GAP43: variants seen among roughly 807,000 people sequenced by gnomAD.
GAP43 encodes the protein neuromodulin.
Under a neutral mutation model 18.6 loss-of-function variants are expected in GAP43, and 6 were observed. That is an observed-to-expected ratio of 0.32 (90% CI 0.18 to 0.64). The LOEUF is 0.64. GAP43 is among the 30% of genes least tolerant of loss of function. The pLI is 0.78. For missense variants in GAP43, 292 were observed against 295.5 expected (o/e 0.99, Z 0.09); for synonymous variants, 115 against 111.4 (o/e 1.03, Z -0.20).
At chr3:115,692,733 A>C (rs1286605525) in intron 2 of GAP43, among the ~76,000 whole-genome samples, 3 of 152,144 alleles carry the variant, frequency 2.0e-5, no homozygotes, top group Non-Finnish European at 4.4e-5. Flanking sequence ...AGGGTGGTTA[A>C]AGTTTTTACT....
At chr3:115,708,028 C>T (rs577721001) in intron 2 of GAP43, among the ~76,000 whole-genome samples, 1 of 152,090 alleles carries the variant, frequency 6.6e-6, no homozygotes, top group South Asian at 2.1e-4. Context: ...TATATATACA[C>T]ACACACACAT....
chr3:115,663,463 C>T, intron 1 of GAP43: 1 of 1,039,702 alleles, frequency 9.6e-7, no homozygotes. Context: ...CCCTCTCCCT[C>T]CCTCTTCTCC....
chr3:115,667,310 G>A (rs141432560), intron 1 of GAP43, among the ~76,000 whole-genome samples: 1 of 152,232 alleles, frequency 6.6e-6, no homozygotes, highest in African/African-American at 2.4e-5. Flanking sequence ...ACAGAGAAGT[G>A]GACCAAGAGT....
Position 115,688,006 on chromosome 3 carries a change from A to ATTATTTATTTAT in GAP43, c.628+11409_628+11420dup, listed in dbSNP as rs59423282. Among the ~76,000 whole-genome samples, 64 of 149,906 alleles carry ATTATTTATTTAT rather than the reference A, an allele frequency of 4.3e-4. 1 individual carries two copies. The highest frequency in any genetic ancestry group is 1.4e-3 in the African/African-American group (57 of 40,668). ...CCAGGGTTACTAACGAAATTTTTTT[A>ATTATTTATTTAT]TTATTTATTTATTTATTTATTTATG... On this transcript the variant is annotated intron_variant, in intron 2 of 2. Coordinates refer to ENST00000305124, the MANE Select transcript of GAP43 (RefSeq NM_002045.4).
chr3:115,642,257 T>A (rs1287983006), intron 1 of GAP43, among the ~76,000 whole-genome samples: 2 of 152,102 alleles, frequency 1.3e-5, no homozygotes, highest in Non-Finnish European at 2.9e-5. Context: ...CTCTTACTCA[T>A]CTTATTTTTC....
chr3:115,714,759 A>C (rs1709482478), intron 2 of GAP43, among the ~76,000 whole-genome samples: 1 of 148,656 alleles, frequency 6.7e-6, no homozygotes, highest in Non-Finnish European at 1.5e-5. Flanking sequence ...GATTTGGGGG[A>C]TTGATTTTGC....
intron 1 of GAP43, among the ~76,000 whole-genome samples, chr3:115,670,626 G>A (rs1708805120): frequency 6.6e-6 from 1 of 152,078 alleles, no homozygotes; most frequent in South Asian, 2.1e-4. Flanking sequence ...CAATTGCCAT[G>A]GTATCAATGA....
chr3:115,687,115 C>CTT (rs34355376), intron 2 of GAP43, among the ~76,000 whole-genome samples: 4,233 of 140,114 alleles, frequency 0.03, 138 homozygotes, highest in African/African-American at 0.081. Context: ...AATCCCCCCT[C>CTT]TTTTTTTTTT....
At position 115,696,590 on chromosome 3, in the gene GAP43, C is replaced by CCCA. The variant is rs1228543478; in HGVS notation, c.628+19980_628+19981insCCA. 7.2e-4 allele frequency among the ~76,000 whole-genome samples: 93 copies of CCCA among 129,148 alleles called. 1 individual carries two copies. The highest frequency in any genetic ancestry group is 2.6e-3 in the African/African-American group (86 of 33,454). The allele number at this position is 129,148 out of a possible 152,430, so 84.7% of individuals were successfully genotyped here. A position where few individuals can be genotyped will look rare whatever the true frequency, so the allele number is the denominator to read the frequency against. ...GCTGCCCCCCACCGCCCCCCCCCCC[C>CCCA]ACAAACAGGTATGCTCATATGCAGG... On this transcript the variant is annotated intron_variant, in intron 2 of 2. Transcript: ENST00000305124.
rs189715876 is a variant in GAP43 at position 115,641,622 on chromosome 3, A to G, written c.30+17903A>G. On this transcript the variant is annotated intron_variant, in intron 1 of 2. Transcript: ENST00000305124. ...TCTGTTTTCAATTTCACAAGGCACT[A>G]TGCAATGCTTGCACATACTGGGTCC... Among the ~76,000 whole-genome samples, 3 of 151,908 alleles carry G rather than the reference A, an allele frequency of 2.0e-5. No homozygotes were observed. In the East Asian group the frequency reaches 5.8e-4, roughly 30 times the overall value.
At chr3:115,657,121 A>G (rs1472839315) in intron 1 of GAP43, among the ~76,000 whole-genome samples, 1 of 152,208 alleles carries the variant, frequency 6.6e-6, no homozygotes, top group Non-Finnish European at 1.5e-5. Flanking sequence ...AGGGATGGAT[A>G]AAATGATTTC....
At chr3:115,683,147 G>GCGCACACACACACACA (rs1252333447) in intron 2 of GAP43, among the ~76,000 whole-genome samples, 22 of 127,394 alleles carry the variant, frequency 1.7e-4, no homozygotes, top group African/African-American at 4.8e-4. Context: ...GCGCGCGCGC[G>GCGCACACACACACACA]CACACACACA....
chr3:115,659,133 C>G (rs757617932), intron 1 of GAP43, among the ~76,000 whole-genome samples: 1 of 151,946 alleles, frequency 6.6e-6, no homozygotes, highest in Non-Finnish European at 1.5e-5. Flanking sequence ...GAAGAGCGGC[C>G]GGCAGGAAGG....
At chr3:115,642,293 T>A (rs550043116) in intron 1 of GAP43, among the ~76,000 whole-genome samples, 10 of 152,178 alleles carry the variant, frequency 6.6e-5, no homozygotes, top group African/African-American at 1.9e-4. Context: ...TCAAGACCAA[T>A]TTTAGACACA....
At chr3:115,649,252 A>C (rs1344389876) in intron 1 of GAP43, among the ~76,000 whole-genome samples, 1 of 152,072 alleles carries the variant, frequency 6.6e-6, no homozygotes, top group Non-Finnish European at 1.5e-5. Context: ...ACAAGGAATA[A>C]ATTCACTTTC....
intron 1 of GAP43, among the ~76,000 whole-genome samples, chr3:115,664,987 T>A (rs1708715318): frequency 6.6e-6 from 1 of 151,976 alleles, no homozygotes; most frequent in South Asian, 2.1e-4. Flanking sequence ...CTCTTTTTAT[T>A]TTTTTTTAAT....
intron 2 of GAP43, among the ~76,000 whole-genome samples, chr3:115,688,147 G>A (rs545972120): frequency 6.4e-4 from 97 of 152,138 alleles, no homozygotes; most frequent in Admixed American, 3.9e-4. Flanking sequence ...CTCCCGAGTA[G>A]CTGGGATTAC....
intron 1 of GAP43, among the ~76,000 whole-genome samples, chr3:115,634,762 T>C (rs1576977022): frequency 6.6e-6 from 1 of 151,932 alleles, no homozygotes; most frequent in Non-Finnish European, 1.5e-5. Context: ...AGAGCGAGAC[T>C]CTGTCTCAAA....
chr3:115,642,817 C>T (rs940251902), intron 1 of GAP43, among the ~76,000 whole-genome samples: 1 of 152,014 alleles, frequency 6.6e-6, no homozygotes, highest in Non-Finnish European at 1.5e-5. Flanking sequence ...ATTTTATCTA[C>T]ATTAAGTGAG....
Sources: allele counts gnomAD v4.1 joint callset (sites outside exome capture counted in the v4.1 genomes callset), GRCh38; gene constraint gnomAD v4.1.1; transcripts MANE v1.5; gene names NCBI Gene and HGNC (gene_info 2026-07-23, HGNC 2026-07-21).